IL1RAPL2: variants seen among roughly 807,000 people sequenced by gnomAD.
IL1RAPL2 encodes interleukin 1 receptor accessory protein like 2.
Under a neutral mutation model 44.1 loss-of-function variants are expected in IL1RAPL2, and 3 were observed. That is an observed-to-expected ratio of 0.07 (90% CI 0.03 to 0.18). The LOEUF is 0.18. Ranked by LOEUF, IL1RAPL2 falls within the 10% of genes least tolerant of loss-of-function variation. IL1RAPL2 has a pLI of 1.00. For missense variants in IL1RAPL2, 391 were observed against 496.4 expected (o/e 0.79, Z 2.02); for synonymous variants, 181 against 178.8 (o/e 1.01, Z -0.10).
chrX:105,033,246 G>A (rs1157013844), intron 2 of IL1RAPL2, among the ~76,000 whole-genome samples: 4 of 111,560 alleles, frequency 3.6e-5, no homozygotes, highest in African/African-American at 1.3e-4. Context: ...ATTATTATGT[G>A]TGAATTTGAT....
In IL1RAPL2 at chrX:105,180,729, G is replaced by C. The variant is rs781947037; in HGVS notation, c.83-14746G>C. On this transcript the variant is annotated intron_variant, in intron 2 of 10. Coordinates refer to ENST00000372582, the MANE Select transcript of IL1RAPL2 (RefSeq NM_017416.2). ...GTATTATCTTTTTGATGTGCTGTTGGATTTCATTGTCTAGTAGTTTGTTGA... is the reference window on the plus strand; with the variant it reads ...GTATTATCTTTTTGATGTGCTGTTGCATTTCATTGTCTAGTAGTTTGTTGA... Among the ~76,000 whole-genome samples the C allele has an allele frequency of 5.4e-5, 6 of 111,709 alleles. No individual in the cohort carries two copies. In the South Asian group the frequency reaches 2.3e-3, roughly 42 times the overall value.
chrX:104,789,246 A>G (rs1404674242), intron 2 of IL1RAPL2, among the ~76,000 whole-genome samples: 1 of 111,964 alleles, frequency 8.9e-6, no homozygotes, highest in Non-Finnish European at 1.9e-5. Flanking sequence ...TTACCATTGT[A>G]GTGAGCATAG....
In IL1RAPL2 at chrX:105,767,254, T is replaced by A. The variant is rs748143301; in HGVS notation, c.1654T>A (p.Leu552Ile). ...ATTAAATTCTAAGTTTTGGAAGCACTTAGTATATGAAATGCCCATCAAGAA... is the reference window on the plus strand; with the variant it reads ...ATTAAATTCTAAGTTTTGGAAGCACATAGTATATGAAATGCCCATCAAGAA... ...SKLNSKFWKH[L>I]VYEMPIKKKE... The change falls in exon 11 of 11, where the codon TTA (leucine) becomes ATA (isoleucine). Residue 552 changes from leucine (L) to isoleucine (I), a missense_variant. Physicochemically the swap from Leu to Ile is conservative, Grantham distance 5. This residue lies in a region of IL1RAPL2 where 232 missense variants were observed against 244.8 expected (regional missense o/e 0.95). Transcript: ENST00000372582. The A allele has an allele frequency of 4.0e-4, 486 of 1,210,226 alleles. No individual in the cohort carries two copies. The highest frequency in any genetic ancestry group is 5.3e-4 in the Non-Finnish European group (472 of 895,170).
intron 2 of IL1RAPL2, among the ~76,000 whole-genome samples, chrX:104,939,540 G>A (rs1925111783): frequency 9.0e-6 from 1 of 111,570 alleles, no homozygotes; most frequent in Non-Finnish European, 1.9e-5. Flanking sequence ...GAAAAATAAT[G>A]CTTATAATTT....
chrX:104,699,138 C>G (rs1931230589), intron 2 of IL1RAPL2, among the ~76,000 whole-genome samples: 1 of 111,706 alleles, frequency 9.0e-6, no homozygotes, highest in African/African-American at 3.3e-5. Context: ...TTACCAGGGA[C>G]TGGTTTTGTG....
At chrX:104,869,065 C>T (rs148967055) in intron 2 of IL1RAPL2, among the ~76,000 whole-genome samples, 1,179 of 111,445 alleles carry the variant, frequency 0.011, 16 homozygotes, top group African/African-American at 0.035. Flanking sequence ...TCTTGGGCCT[C>T]GGTATAACTT....
chrX:105,299,643 A>G (rs2034680994), intron 5 of IL1RAPL2, among the ~76,000 whole-genome samples: 1 of 111,793 alleles, frequency 8.9e-6, no homozygotes, highest in Non-Finnish European at 1.9e-5. Context: ...GTCTATAGGA[A>G]CAATGGGGAT....
chrX:105,105,598 T>C (rs1275222558), intron 2 of IL1RAPL2, among the ~76,000 whole-genome samples: 1 of 112,373 alleles, frequency 8.9e-6, no homozygotes, highest in Non-Finnish European at 1.9e-5. Context: ...GTTAGTTCCT[T>C]ATGGTTACAT....
At chrX:104,582,596 T>TTCTCTTTCTTTCTTTC (rs1387907561) in intron 1 of IL1RAPL2, among the ~76,000 whole-genome samples, 1 of 52,188 alleles carries the variant, frequency 1.9e-5, no homozygotes, top group Non-Finnish European at 3.8e-5. Context: ...CTTTCTTTCT[T>TTCTCTTTCTTTCTTTC]TTTCTTTCTT....
chrX:105,299,022 A>G (rs1399290523), intron 5 of IL1RAPL2, among the ~76,000 whole-genome samples: 1 of 111,499 alleles, frequency 9.0e-6, no homozygotes, highest in Admixed American at 9.6e-5. Flanking sequence ...AAAAGGGGAC[A>G]ATGAATCTAT....
chrX:105,746,007 T>G (rs1225705438), intron 8 of IL1RAPL2, among the ~76,000 whole-genome samples: 2 of 111,892 alleles, frequency 1.8e-5, no homozygotes, highest in Non-Finnish European at 3.8e-5. Flanking sequence ...TATAATCACC[T>G]TGGGGGTTAG....
At chrX:105,484,553 A>C (rs1459742613) in intron 6 of IL1RAPL2, among the ~76,000 whole-genome samples, 166 bp downstream of exon 6, 1 of 112,345 alleles carries the variant, frequency 8.9e-6, no homozygotes, top group Non-Finnish European at 1.9e-5. Context: ...AGTTTAAGGA[A>C]ATGAGTTTGT....
intron 5 of IL1RAPL2, among the ~76,000 whole-genome samples, chrX:105,451,159 A>G (rs2036017194): frequency 9.0e-6 from 1 of 111,624 alleles, no homozygotes; most frequent in South Asian, 3.7e-4. Flanking sequence ...CAGAACTTCT[A>G]GAGCACTTCT....
rs776655572 is a variant in IL1RAPL2, at chrX:104,884,809, C to T, written c.82+225814C>T. 4.4e-3 allele frequency among the ~76,000 whole-genome samples: 485 copies of T among 111,481 alleles called. 2 individuals carry two copies. The highest frequency in any genetic ancestry group is 0.015 in the African/African-American group (458 of 30,676). On this transcript the variant is annotated intron_variant, in intron 2 of 10. Transcript: ENST00000372582. ...TCCCACAGGAGGACATCTCAGCTTA[C>T]CCCCATATCCTAGCCTCCCTATAGC...
chrX:105,602,240 C>A (rs975365756), intron 6 of IL1RAPL2, among the ~76,000 whole-genome samples: 4 of 110,251 alleles, frequency 3.6e-5, no homozygotes, highest in African/African-American at 1.3e-4. Flanking sequence ...AGAGACACTG[C>A]ACCTACCACC....
chrX:105,510,552 CTG>C (rs1365984326), intron 6 of IL1RAPL2, among the ~76,000 whole-genome samples: 1 of 111,990 alleles, frequency 8.9e-6, no homozygotes, highest in Non-Finnish European at 1.9e-5. Flanking sequence ...TCCCTGGAAC[CTG>C]TGAGTATATC....
chrX:105,503,198 C>T (rs185163934), intron 6 of IL1RAPL2, among the ~76,000 whole-genome samples: 32 of 111,349 alleles, frequency 2.9e-4, no homozygotes, highest in East Asian at 1.1e-3. Flanking sequence ...TATTCTCCCT[C>T]TCTAGGAACA....
chrX:105,193,367 T>C (rs1408735729), intron 2 of IL1RAPL2, among the ~76,000 whole-genome samples: 1 of 111,998 alleles, frequency 8.9e-6, no homozygotes, highest in Non-Finnish European at 1.9e-5. Flanking sequence ...GGGTTTATTT[T>C]GTTTCTATTA....
chrX:105,089,116 A>G (rs1302277887), intron 2 of IL1RAPL2, among the ~76,000 whole-genome samples: 2 of 111,541 alleles, frequency 1.8e-5, no homozygotes, highest in Non-Finnish European at 3.8e-5. Context: ...AGTATAATAA[A>G]GGAGCCACTA....
Sources: allele counts gnomAD v4.1 joint callset (sites outside exome capture counted in the v4.1 genomes callset), GRCh38; gene constraint gnomAD v4.1.1; regional missense constraint gnomAD v4.1.1; transcripts MANE v1.5; gene names NCBI Gene and HGNC (gene_info 2026-07-23, HGNC 2026-07-21).